The following LRMDA variants were observed in gnomAD, a reference collection of about 807,000 sequenced individuals.
LRMDA encodes leucine-rich melanocyte differentiation-associated protein.
In LRMDA, 18 loss-of-function variants were observed where a neutral mutation model predicts 29.8. The ratio of observed to expected loss-of-function variants is 0.60; its 90% confidence interval spans 0.42 to 0.90. LRMDA has a LOEUF of 0.90. Ranked by LOEUF, LRMDA falls within the 40% of genes least tolerant of loss-of-function variation. LRMDA has a pLI of 0.00. For missense variants in LRMDA, 273 were observed against 273.9 expected, an observed-to-expected ratio of 1.00 and a Z score of 0.02; for synonymous variants, 125 against 109.4, an observed-to-expected ratio of 1.14 and a Z score of -0.89.
At chr10:76,363,597 C>T (rs1411033423) in intron 6 of LRMDA, among the ~76,000 whole-genome samples, 1 of 152,004 alleles carries the variant, frequency 6.6e-6, no homozygotes, top group Non-Finnish European at 1.5e-5. Context: ...ATTAGAAAGG[C>T]AGATCTAGAT....
intron 5 of LRMDA, among the ~76,000 whole-genome samples, chr10:76,181,718 A>G (rs1428676270): frequency 6.6e-6 from 1 of 152,240 alleles, no homozygotes; most frequent in Non-Finnish European, 1.5e-5. Context: ...TGGAATGCCT[A>G]CCATGTTCAG....
At chr10:76,416,399 G>T (rs530938153) in intron 6 of LRMDA, among the ~76,000 whole-genome samples, 2 of 152,144 alleles carry the variant, frequency 1.3e-5, no homozygotes, top group South Asian at 4.2e-4. Context: ...CTTATAATGC[G>T]GCCTCGGACA....
chr10:75,709,525 C>T (rs1480456773), intron 2 of LRMDA, among the ~76,000 whole-genome samples: 1 of 151,954 alleles, frequency 6.6e-6, no homozygotes, highest in Non-Finnish European at 1.5e-5. Flanking sequence ...CATTTCATAT[C>T]TCTTGGTGGT....
intron 4 of LRMDA, among the ~76,000 whole-genome samples, chr10:76,048,590 A>C (rs895843247): frequency 2.0e-5 from 3 of 152,194 alleles, no homozygotes; most frequent in African/African-American, 7.2e-5. Flanking sequence ...ATAGGAGGAC[A>C]GTCTATATCA....
At chr10:76,026,110 C>G (rs1848058633) in intron 2 of LRMDA, among the ~76,000 whole-genome samples, 1 of 152,178 alleles carries the variant, frequency 6.6e-6, no homozygotes, top group Non-Finnish European at 1.5e-5. Flanking sequence ...TTGGGAGATT[C>G]TTCTAGGAGC....
At chr10:75,993,151 G>A (rs7901786) in intron 2 of LRMDA, among the ~76,000 whole-genome samples, 18,384 of 151,956 alleles carry the variant, frequency 0.12, 2,543 homozygotes, top group African/African-American at 0.34. Context: ...CCTGGGCTGG[G>A]TGTGGGTTGC....
intron 2 of LRMDA, among the ~76,000 whole-genome samples, chr10:75,999,451 A>G (rs562589873): frequency 5.9e-5 from 9 of 152,336 alleles, no homozygotes; most frequent in South Asian, 2.1e-4. Flanking sequence ...TCCCCTGTCT[A>G]TTGAAGTTTA....
At chr10:75,517,215 A>T (rs1221549719) in intron 2 of LRMDA, among the ~76,000 whole-genome samples, 1 of 152,040 alleles carries the variant, frequency 6.6e-6, no homozygotes, top group South Asian at 2.1e-4. Flanking sequence ...ACTTTAAAGT[A>T]GTTTTTTCCA....
chr10:76,557,304 A>G lies in LRMDA; in HGVS notation c.*16A>G, dbSNP rs1352853621. On this transcript the variant is annotated 3_prime_UTR_variant, in exon 7 of 7. Coordinates refer to ENST00000611255, the MANE Select transcript of LRMDA (RefSeq NM_001305581.2). ...CCAGCTCTGAAGCCAACTTCTGTATACCTTCACCCATTTCATGAAAATAAA... is the reference window on the plus strand; with the variant it reads ...CCAGCTCTGAAGCCAACTTCTGTATGCCTTCACCCATTTCATGAAAATAAA... The G allele has an allele frequency of 2.5e-6, 4 of 1,580,260 alleles. No homozygotes were observed. The highest frequency in any genetic ancestry group is 4.5e-5 in the East Asian group (2 of 44,718).
chr10:75,592,282 C>T (rs1840732741), intron 2 of LRMDA, among the ~76,000 whole-genome samples: 1 of 152,200 alleles, frequency 6.6e-6, no homozygotes, highest in African/African-American at 2.4e-5. Flanking sequence ...GGTTGAATGA[C>T]AGTTACTGGA....
At chr10:76,363,512 T>G (rs1201113343) in intron 6 of LRMDA, among the ~76,000 whole-genome samples, 1 of 152,088 alleles carries the variant, frequency 6.6e-6, no homozygotes, top group Non-Finnish European at 1.5e-5. Flanking sequence ...TTTTAGTTCC[T>G]TAAACTTAAG....
At chr10:76,372,768 G>A (rs946312349) in intron 6 of LRMDA, among the ~76,000 whole-genome samples, 2 of 151,986 alleles carry the variant, frequency 1.3e-5, no homozygotes, top group Non-Finnish European at 2.9e-5. Flanking sequence ...CATCTCCTTT[G>A]CAGGTCCTGC....
At chr10:75,885,036 C>T (rs1412787945) in intron 2 of LRMDA, among the ~76,000 whole-genome samples, 3 of 151,680 alleles carry the variant, frequency 2.0e-5, no homozygotes. Context: ...GTTCAGGAGG[C>T]CGGGGGAGGA....
intron 2 of LRMDA, among the ~76,000 whole-genome samples, chr10:75,850,758 T>C (rs1302509789): frequency 6.6e-6 from 1 of 152,142 alleles, no homozygotes; most frequent in African/African-American, 2.4e-5. Flanking sequence ...ATGGTAACTG[T>C]GAAGTTTCGG....
At position 76,139,347 on chromosome 10, in the gene LRMDA, T is replaced by C. The variant is rs201047708; in HGVS notation, c.516+80564T>C. 2.2e-4 allele frequency among the ~76,000 whole-genome samples: 34 copies of C among 152,296 alleles called. No homozygotes were observed. In the East Asian group the frequency reaches 2.7e-3, roughly 12 times the overall value. On this transcript the variant is annotated intron_variant, in intron 5 of 6. Coordinates refer to ENST00000611255, the MANE Select transcript of LRMDA (RefSeq NM_001305581.2). ...CAACTACATCATATTTAGTTAAAAA[T>C]TTTTTGCATATTATCCTACAATTTA...
At chr10:75,630,812 TA>T (rs1234454110) in intron 2 of LRMDA, among the ~76,000 whole-genome samples, 1 of 152,234 alleles carries the variant, frequency 6.6e-6, no homozygotes, top group Non-Finnish European at 1.5e-5. Context: ...ACAGACTGAA[TA>T]AAGACTTGGG....
chr10:75,761,966 A>G (rs1446011272), intron 2 of LRMDA, among the ~76,000 whole-genome samples: 1 of 151,968 alleles, frequency 6.6e-6, no homozygotes, highest in Non-Finnish European at 1.5e-5. Flanking sequence ...ACGCCTGGCT[A>G]ATTTTTAAAT....
intron 2 of LRMDA, among the ~76,000 whole-genome samples, chr10:75,820,516 G>A (rs1844139556): frequency 6.6e-6 from 1 of 152,138 alleles, no homozygotes; most frequent in Non-Finnish European, 1.5e-5. Context: ...AGTGCCAAGA[G>A]GCAAGTTTTT....
At position 75,655,321 on chromosome 10, in the gene LRMDA, C is replaced by T. The variant is rs958124296; in HGVS notation, c.131+216827C>T. Among the ~76,000 whole-genome samples, 4 of 152,222 alleles carry T rather than the reference C, an allele frequency of 2.6e-5. 1 individual carries two copies. In the South Asian group the frequency reaches 8.3e-4, roughly 31 times the overall value. The stretch of plus-strand genomic sequence containing the variant: ...TAAGGATTTTGACATTTCTGAGATA[C>T]ATATCACTTCTAAACAGTGAAGCAC... On this transcript the variant is annotated intron_variant, in intron 2 of 6. Coordinates refer to ENST00000611255, the MANE Select transcript of LRMDA (RefSeq NM_001305581.2).
Sources: gnomAD v4.1 joint callset for allele counts (sites outside exome capture counted in the v4.1 genomes callset) on GRCh38, gnomAD v4.1.1 for gene constraint, MANE v1.5 for transcripts, NCBI Gene and HGNC (gene_info 2026-07-23, HGNC 2026-07-21) for gene names.